Variants in FLYWCH1 observed in about 807,000 individuals in gnomAD.
FLYWCH1 encodes the protein FLYWCH-type zinc finger-containing protein 1.
In FLYWCH1, 75 loss-of-function variants were observed where a neutral mutation model predicts 66.4. That is an observed-to-expected ratio of 1.13 (90% CI 0.94 to 1.37). The LOEUF (loss-of-function observed/expected upper bound fraction) is 1.37, where lower values mean the gene tolerates loss of function less well. Among genes scored for constraint, FLYWCH1 ranks in the 40% most tolerant of loss-of-function variants. The pLI, the probability that FLYWCH1 is intolerant of heterozygous loss-of-function variation, is 0.00. For missense variants in FLYWCH1, 1,334 were observed against 1,001.8 expected (o/e 1.33, Z -4.48); for synonymous variants, 595 against 429.9 (o/e 1.38, Z -4.75).
At chr16:2,947,764 A>ATCT (rs2071544582) in intron 9 of FLYWCH1, among the ~76,000 whole-genome samples, 27 of 20,290 alleles carry the variant, frequency 1.3e-3, no homozygotes, top group Admixed American at 2.1e-3. Flanking sequence ...CTCTTATCTC[A>ATCT]AAAAAAAAAA....
In FLYWCH1 at chr16:2,933,700, T is replaced by A; in HGVS notation, c.1250-16T>A. 1 of 1,607,298 alleles carries A rather than the reference T, an allele frequency of 6.2e-7. No individual in the cohort carries two copies. Among genetic ancestry groups the A allele is most frequent in the Non-Finnish European group, 8.5e-7 (1 of 1,176,486 alleles). ...GCCCCTGTCCCCTCCCCTGACTGCC[T>A]CTTGAACCTCCCCAGGAGGCCCTGA... On this transcript the variant is annotated splice_polypyrimidine_tract_variant and intron_variant, in intron 5 of 9. Transcript: ENST00000253928.
At chr16:2,916,535 G>A (rs535568762) in intron 2 of FLYWCH1, among the ~76,000 whole-genome samples, 253 of 151,714 alleles carry the variant, frequency 1.7e-3, no homozygotes, top group Non-Finnish European at 2.3e-3. Context: ...TACTCTGGAG[G>A]CTGAGGCCGG....
intron 9 of FLYWCH1, 28 bp from the exon 10 acceptor site, chr16:2,948,660 C>G: frequency 6.2e-7 from 1 of 1,610,268 alleles, no homozygotes; most frequent in Non-Finnish European, 8.5e-7. Flanking sequence ...TTGATGTGTG[C>G]AATGAACATG....
intron 2 of FLYWCH1, among the ~76,000 whole-genome samples, chr16:2,919,611 C>T (rs2070298010): frequency 6.6e-6 from 1 of 152,050 alleles, no homozygotes; most frequent in Non-Finnish European, 1.5e-5. Context: ...CCCAGATTGG[C>T]TTCAAACTCC....
intron 2 of FLYWCH1, among the ~76,000 whole-genome samples, chr16:2,925,766 T>G (rs2070545511): frequency 6.6e-6 from 1 of 152,064 alleles, no homozygotes; most frequent in African/African-American, 2.4e-5. Context: ...GTGGTGGGAC[T>G]GGCCCTCCTG....
intron 2 of FLYWCH1, among the ~76,000 whole-genome samples, chr16:2,914,959 CAA>C (rs2070118360): frequency 7.3e-6 from 1 of 137,846 alleles, no homozygotes; most frequent in Non-Finnish European, 1.6e-5. Context: ...TTGAACATTA[CAA>C]AAGAAACACA....
Position 2,938,169 on chromosome 16 carries a change from C to G in FLYWCH1, c.1778-15C>G. 1 of 1,609,112 alleles carries G rather than the reference C, an allele frequency of 6.2e-7. No individual in the cohort carries two copies. Among genetic ancestry groups the G allele is most frequent in the South Asian group, 1.1e-5 (1 of 90,468 alleles). ...GCCCCTGTGGCCCCACTCACAGTGTCACTTTCCCTTTCAGATCCTCTCCGG... is the reference window on the plus strand; with the variant it reads ...GCCCCTGTGGCCCCACTCACAGTGTGACTTTCCCTTTCAGATCCTCTCCGG... On this transcript the variant is annotated splice_polypyrimidine_tract_variant and intron_variant, in intron 7 of 9. Transcript: ENST00000253928.
At chr16:2,928,190 G>T (rs779026815) in intron 2 of FLYWCH1, among the ~76,000 whole-genome samples, 2 of 152,200 alleles carry the variant, frequency 1.3e-5, no homozygotes, top group African/African-American at 2.4e-5. Context: ...AGAACGAATG[G>T]TCGGCTTTAC....
intron 9 of FLYWCH1, among the ~76,000 whole-genome samples, chr16:2,942,750 G>A (rs1265136519): frequency 1.4e-4 from 11 of 78,180 alleles, no homozygotes; most frequent in Non-Finnish European, 2.1e-4. Context: ...TTTTTGAGAC[G>A]GAGTCTCACT....
intron 2 of FLYWCH1, among the ~76,000 whole-genome samples, chr16:2,926,368 CAGG>C (rs1007076547): frequency 2.6e-5 from 4 of 152,142 alleles, no homozygotes; most frequent in African/African-American, 7.2e-5. Context: ...CCGTTTCAAA[CAGG>C]AGAAGATAGC....
At chr16:2,934,129 C>T in intron 6 of FLYWCH1, 150 bp downstream of exon 6, 2 of 1,028,814 alleles carry the variant, frequency 1.9e-6, no homozygotes, top group Non-Finnish European at 2.7e-6. Flanking sequence ...GCCTCCTACT[C>T]CTTGGCCCCC....
chr16:2,921,432 A>G (rs775996177), intron 2 of FLYWCH1, among the ~76,000 whole-genome samples: 1 of 151,916 alleles, frequency 6.6e-6, no homozygotes, highest in Non-Finnish European at 1.5e-5. Context: ...AGAAGAGCTT[A>G]TAGAGGCATC....
intron 4 of FLYWCH1, among the ~76,000 whole-genome samples, 177 bp downstream of exon 4, chr16:2,931,057 C>A (rs577364711): frequency 3.6e-4 from 55 of 152,194 alleles, no homozygotes; most frequent in African/African-American, 1.3e-3. Flanking sequence ...ATAATCCCAG[C>A]ACTTTGGGAG....
At chr16:2,936,890 G>C in intron 6 of FLYWCH1, 1 of 653,842 alleles carries the variant, frequency 1.5e-6, no homozygotes, top group South Asian at 1.7e-5. Flanking sequence ...GGGACGCTTG[G>C]CCGCCACCTG....
Position 2,933,479 on chromosome 16 carries a change from T to G in FLYWCH1, c.1146T>G (p.Thr382=). Residue 382 remains threonine, a synonymous_variant, in exon 5 of 10, where the codon ACT becomes ACG. Coordinates refer to ENST00000253928, the MANE Select transcript of FLYWCH1 (RefSeq NM_001308068.2). ...ACCGCAGGGGTCCGGGTCCCCTGAC[T>G]CTCACCAGGCCTCGGCCCAGAAAGC... is the stretch of plus-strand genomic sequence containing the variant. ...LLYRRGPGPL[T]LTRPRPRKRA... is the part of the protein sequence containing the mutation. The G allele has an allele frequency of 6.2e-7, 1 of 1,606,168 alleles. No homozygotes were observed.
chr16:2,920,238 T>C (rs2070321797), intron 2 of FLYWCH1, among the ~76,000 whole-genome samples: 1 of 152,106 alleles, frequency 6.6e-6, no homozygotes, highest in Non-Finnish European at 1.5e-5. Context: ...AAGAAGCTTC[T>C]GATGTTTAGT....
chr16:2,937,365 G>A lies in FLYWCH1; in HGVS notation c.1758G>A (p.Leu586=), dbSNP rs2071057038. The change falls in exon 7 of 10, where the codon CTG becomes CTA. Residue 586 remains leucine, a synonymous_variant. Coordinates refer to ENST00000253928, the MANE Select transcript of FLYWCH1 (RefSeq NM_001308068.2). ...ALRQREHFPN[L]AQWDSPDPLR... is the part of the protein sequence containing the mutation. ...GGCAGCGGGAGCACTTCCCCAACCT[G>A]GCGCAGTGGGACAGCCCAGGTGCGT... is the stretch of plus-strand genomic sequence containing the variant. 1 of 1,578,686 alleles carries A rather than the reference G, an allele frequency of 6.3e-7. No homozygotes were observed. The highest frequency in any genetic ancestry group is 8.6e-7 in the Non-Finnish European group (1 of 1,163,926).
At chr16:2,935,640 C>G (rs972287350) in intron 6 of FLYWCH1, 13 of 152,306 alleles carry the variant, frequency 8.5e-5, no homozygotes, top group Admixed American at 7.2e-4. Context: ...GGAGGGGCAG[C>G]CTGGCCTCCG....
intron 2 of FLYWCH1, among the ~76,000 whole-genome samples, chr16:2,920,420 C>G (rs560310652): frequency 1.6e-4 from 24 of 151,920 alleles, no homozygotes; most frequent in African/African-American, 5.3e-4. Context: ...GAGGCTGAGG[C>G]CTGAGAATCG....
Sources: allele counts gnomAD v4.1 joint callset (sites outside exome capture counted in the v4.1 genomes callset), GRCh38; gene constraint gnomAD v4.1.1; transcripts MANE v1.5; gene names NCBI Gene and HGNC (gene_info 2026-07-23, HGNC 2026-07-21).